The following DAB1 variants were observed in gnomAD, a reference collection of about 807,000 sequenced individuals.
DAB1 encodes DAB adaptor protein 1.
In DAB1, 15 loss-of-function variants were observed where a neutral mutation model predicts 64.6. That is an observed-to-expected ratio of 0.23 (90% CI 0.16 to 0.36). DAB1 has a LOEUF of 0.36. Ranked by LOEUF, DAB1 falls within the 10% of genes least tolerant of loss-of-function variation. The pLI is 1.00. For missense variants in DAB1, 596 were observed against 706.7 expected (o/e 0.84, Z 1.78); for synonymous variants, 235 against 251.9 (o/e 0.93, Z 0.64).
At position 58,125,289 on chromosome 1, in the gene DAB1, C is replaced by T. The variant is rs114684971; in HGVS notation, n.387+25222G>A. On this transcript the variant is annotated intron_variant and non_coding_transcript_variant, in intron 5 of 20. Coordinates refer to the DAB1 transcript ENST00000485760. ...AAAAACATAAATTTTGGTTCAGTTG[C>T]ATTTAAAATTCAGCAAATTTTATCT... Among the ~76,000 whole-genome samples the T allele has an allele frequency of 2.9e-3, 442 of 152,142 alleles. 1 individual carries two copies. Among genetic ancestry groups the T allele is most frequent in the Middle Eastern group, 0.01 (3 of 294 alleles).
chr1:57,511,265 C>G (rs1378382051), intron 7 of DAB1, among the ~76,000 whole-genome samples: 1 of 152,130 alleles, frequency 6.6e-6, no homozygotes, highest in Non-Finnish European at 1.5e-5. Flanking sequence ...CAAAACAAAA[C>G]AAAAACAAGC....
At chr1:57,106,587 T>C (rs940490121) in intron 4 of DAB1, among the ~76,000 whole-genome samples, 16 of 152,294 alleles carry the variant, frequency 1.1e-4, no homozygotes, top group African/African-American at 3.6e-4. Flanking sequence ...CTGGAAATCA[T>C]ACAAATTTGA....
At chr1:58,173,878 G>A (rs942506632) in intron 4 of DAB1, among the ~76,000 whole-genome samples, 5 of 152,102 alleles carry the variant, frequency 3.3e-5, no homozygotes, top group African/African-American at 9.7e-5. Flanking sequence ...GCCCATCAGT[G>A]CAGAGCCATA....
intron 4 of DAB1, among the ~76,000 whole-genome samples, chr1:58,168,629 C>T (rs1379082737): frequency 6.6e-6 from 1 of 152,122 alleles, no homozygotes. Flanking sequence ...ATAGGGGAGA[C>T]TACCTGGAAT....
upstream of DAB1, among the ~76,000 whole-genome samples, chr1:57,427,930 G>A (rs1685350955): frequency 6.6e-6 from 1 of 152,126 alleles, no homozygotes; most frequent in Non-Finnish European, 1.5e-5. Flanking sequence ...CACTTTGGGA[G>A]GCCGGGACAG....
intron 4 of DAB1, among the ~76,000 whole-genome samples, chr1:58,324,023 T>G (rs894393108): frequency 2.0e-5 from 3 of 152,150 alleles, no homozygotes; most frequent in Non-Finnish European, 4.4e-5. Context: ...TTTCAAAATT[T>G]TCTTATGTCT....
intron 2 of DAB1, among the ~76,000 whole-genome samples, chr1:57,247,001 C>T (rs1215520562): frequency 6.6e-6 from 1 of 152,166 alleles, no homozygotes; most frequent in Non-Finnish European, 1.5e-5. Flanking sequence ...TTTACAGGCT[C>T]ACAGGCAGAA....
chr1:57,347,982 A>G (rs961415576), intron 1 of DAB1, among the ~76,000 whole-genome samples: 2 of 152,196 alleles, frequency 1.3e-5, no homozygotes, highest in African/African-American at 4.8e-5. Context: ...TCTAACCTCA[A>G]GAAAATGAAT....
At chr1:57,564,058 C>G (rs1645086714) in intron 7 of DAB1, among the ~76,000 whole-genome samples, 1 of 152,138 alleles carries the variant, frequency 6.6e-6, no homozygotes, top group South Asian at 2.1e-4. Flanking sequence ...GACTGACACC[C>G]ACATGGCTGG....
At chr1:57,684,299 C>T (rs1468042231) in intron 6 of DAB1, among the ~76,000 whole-genome samples, 1 of 151,976 alleles carries the variant, frequency 6.6e-6, no homozygotes, top group African/African-American at 2.4e-5. Flanking sequence ...TGCAAGATGA[C>T]TATCTCCAAG....
chr1:57,070,357 C>T (rs550243318), intron 7 of DAB1, among the ~76,000 whole-genome samples: 184 of 152,288 alleles, frequency 1.2e-3, no homozygotes, highest in African/African-American at 4.0e-3. Context: ...GAGAGGCTGT[C>T]TTTTCCCTTT....
rs115799510 is a variant in DAB1, at chr1:57,473,444, C to T, written n.625+176148G>A. Among the ~76,000 whole-genome samples, 957 of 152,284 alleles carry T rather than the reference C, an allele frequency of 6.3e-3. 10 individuals are homozygous for T. Among genetic ancestry groups the T allele is most frequent in the African/African-American group, 0.022 (916 of 41,550 alleles). ...ACTCTCCAGTGCAAGCTCCAGAGAC[C>T]TCATCCTTACTAAGACCTTTCCCCC... On this transcript the variant is annotated intron_variant and non_coding_transcript_variant, in intron 7 of 20. Transcript: ENST00000485760.
At chr1:57,106,056 C>T (rs1655108936) in intron 4 of DAB1, among the ~76,000 whole-genome samples, 1 of 152,188 alleles carries the variant, frequency 6.6e-6, no homozygotes, top group Non-Finnish European at 1.5e-5. Context: ...CTAAAACCTA[C>T]TTTGCTGGAT....
chr1:58,135,557 T>A (rs1413207473), intron 5 of DAB1, among the ~76,000 whole-genome samples: 2 of 152,144 alleles, frequency 1.3e-5, no homozygotes, highest in African/African-American at 4.8e-5. Context: ...TAACTTTTAT[T>A]TTAGATTTAG....
intron 6 of DAB1, among the ~76,000 whole-genome samples, chr1:57,662,533 A>C (rs1048238384): frequency 2.0e-5 from 3 of 152,218 alleles, no homozygotes; most frequent in South Asian, 2.1e-4. Context: ...TGGTGCCTGC[A>C]TAGGCAGGAC....
intron 7 of DAB1, among the ~76,000 whole-genome samples, chr1:57,464,013 A>T (rs2101187331): frequency 6.6e-6 from 1 of 152,338 alleles, no homozygotes; most frequent in East Asian, 1.9e-4. Flanking sequence ...GGGAGAAAAC[A>T]TCAGGAAGCT....
chr1:57,862,636 T>C (rs1231427460), intron 1 of DAB1: 2 of 152,166 alleles, frequency 1.3e-5, no homozygotes, highest in Non-Finnish European at 2.9e-5. Flanking sequence ...TCCTTAAAAA[T>C]CTAAATTCTA....
chr1:58,363,307 T>C (rs995318), intron 3 of DAB1, among the ~76,000 whole-genome samples: 140,042 of 152,228 alleles, frequency 0.92, 64,586 homozygotes, highest in East Asian at 1. Context: ...AATTAAAGAC[T>C]AAGCAGATAT....
chr1:57,951,224 CAAGGAAGGA>C (rs1645268558), intron 5 of DAB1, among the ~76,000 whole-genome samples: 1 of 148,510 alleles, frequency 6.7e-6, no homozygotes, highest in African/African-American at 2.5e-5. Context: ...TGGAAGAGAT[CAAGGAAGGA>C]AAGGAAGGAT....
Sources: gnomAD v4.1 joint callset for allele counts (sites outside exome capture counted in the v4.1 genomes callset) on GRCh38, gnomAD v4.1.1 for gene constraint, MANE v1.5 for transcripts, NCBI Gene and HGNC (gene_info 2026-07-23, HGNC 2026-07-21) for gene names.